MARCO: variants seen among roughly 807,000 people sequenced by gnomAD.
MARCO encodes the protein macrophage receptor MARCO.
Under a neutral mutation model 70.0 loss-of-function variants are expected in MARCO, and 72 were observed. The ratio of observed to expected loss-of-function variants is 1.03; its 90% CI spans 0.85 to 1.25. MARCO has a LOEUF of 1.25. Among genes scored for constraint, MARCO ranks in the 50% most tolerant of loss-of-function variants. The probability of loss-of-function intolerance (pLI) is 0.00; values close to 1 mark genes in which losing one functional copy is unlikely to be tolerated. For synonymous variants in MARCO, 273 were observed against 243.1 expected (o/e 1.12, Z -1.14); for missense variants, 696 against 659.3 (o/e 1.06, Z -0.61).
chr2:118,986,685 G>GA (rs1558671834), intron 12 of MARCO, among the ~76,000 whole-genome samples: 6 of 44,696 alleles, frequency 1.3e-4, no homozygotes, highest in African/African-American at 4.3e-4. Context: ...AAGAAAGAAA[G>GA]AAAGAAAGAA....
chr2:118,969,683 C>G (rs1680124905), intron 2 of MARCO, among the ~76,000 whole-genome samples: 1 of 152,190 alleles, frequency 6.6e-6, no homozygotes, highest in Admixed American at 6.5e-5. Context: ...GTTCCATGAG[C>G]AGACACTGAA....
intron 16 of MARCO, among the ~76,000 whole-genome samples, chr2:118,993,711 C>T (rs1447932575): frequency 6.6e-6 from 1 of 152,180 alleles, no homozygotes; most frequent in African/African-American, 2.4e-5. Flanking sequence ...CCTGGATTGA[C>T]CAGCAAGCAG....
chr2:118,973,023 GTC>G (rs1172581370), intron 4 of MARCO, among the ~76,000 whole-genome samples: 2 of 145,318 alleles, frequency 1.4e-5, no homozygotes, highest in Non-Finnish European at 1.5e-5. Flanking sequence ...CTCTCTCTCT[GTC>G]TCTCTGAATA....
At chr2:118,974,670 G>A (rs1472329186) in intron 6 of MARCO, 105 bp downstream of exon 6, 3 of 1,104,718 alleles carry the variant, frequency 2.7e-6, no homozygotes, top group Admixed American at 2.5e-5. Context: ...ACCTCTGAGG[G>A]GTCTGTAGGT....
At chr2:118,959,241 G>A (rs187180372) in intron 1 of MARCO, among the ~76,000 whole-genome samples, 6 of 152,048 alleles carry the variant, frequency 3.9e-5, no homozygotes, top group East Asian at 3.9e-4. Flanking sequence ...TCTATACATC[G>A]GACAAAGGAT....
chr2:118,950,620 T>A (rs978784970), intron 1 of MARCO, among the ~76,000 whole-genome samples: 1 of 152,236 alleles, frequency 6.6e-6, no homozygotes, highest in Non-Finnish European at 1.5e-5. Flanking sequence ...TTATACAACA[T>A]TTCTTGCATA....
At position 118,977,814 on chromosome 2, in the gene MARCO, C is replaced by T. The variant is rs1172695208; in HGVS notation, c.659-14C>T. 5.0e-6 allele frequency: 8 copies of T among 1,598,520 alleles called. No individual in the cohort carries two copies. The highest frequency in any genetic ancestry group is 6.8e-6 in the Non-Finnish European group (8 of 1,169,084). On this transcript the variant is annotated splice_polypyrimidine_tract_variant and intron_variant, in intron 7 of 16. Transcript: ENST00000327097. ...GATAGTGGGAGCCCATCTCACCAGC[C>T]ATTCTCTTTGCAGGCACCCCAGGAC...
At position 118,977,885 on chromosome 2, in the gene MARCO, CA is replaced by C; in HGVS notation, c.720del (p.Glu242LysfsTer22). 6.2e-7 allele frequency: 1 copy of C among 1,612,608 alleles called. No homozygotes were observed. The highest frequency in any genetic ancestry group is 1.1e-5 in the South Asian group (1 of 90,608). ...GSKGDGGLIG[P>X]KGETGTKGEK... ...AAAGGCGATGGGGGTCTCATTGGCCCAAAAGGGGAAACTGGAACTAAGGGAG... is the reference window on the plus strand; with the variant it reads ...AAAGGCGATGGGGGTCTCATTGGCCCAAAGGGGAAACTGGAACTAAGGGAG... On this transcript the variant is annotated frameshift_variant, in exon 8 of 17. Transcript: ENST00000327097. LOFTEE classifies it high-confidence loss of function.
rs376777191 is a variant in MARCO at position 118,982,249 on chromosome 2, G to A, written c.995G>A (p.Arg332Gln). 7.4e-6 allele frequency: 12 copies of A among 1,612,572 alleles called. No individual in the cohort carries two copies. Among genetic ancestry groups the A allele is most frequent in the African/African-American group, 5.3e-5 (4 of 74,872 alleles). The change falls in exon 11 of 17, where the codon CGA becomes CAA. Residue 332 changes from arginine to glutamine, a missense_variant. Around this residue, in one of 3 missense-constraint regions of MARCO, gnomAD observed 605 missense variants for 537.6 expected, o/e 1.13. Transcript: ENST00000327097. The stretch of plus-strand genomic sequence containing the variant: ...CCTGGCAGTGCTGGCTCCCCTGGGC[G>A]AGCAGGTGAGGTCCTGGGTCCTATG... ...GEPGSAGSPG[R>Q]AGLPGSPGSP...
At chr2:118,957,839 G>C (rs1012451265) in intron 1 of MARCO, among the ~76,000 whole-genome samples, 1 of 152,038 alleles carries the variant, frequency 6.6e-6, no homozygotes, top group African/African-American at 2.4e-5. Flanking sequence ...TGCAGGGATG[G>C]TTTAACATTC....
At chr2:118,954,880 T>C (rs886416123) in intron 1 of MARCO, among the ~76,000 whole-genome samples, 1 of 151,968 alleles carries the variant, frequency 6.6e-6, no homozygotes, top group Non-Finnish European at 1.5e-5. Flanking sequence ...GAATACTACA[T>C]CAAGGGAACA....
intron 16 of MARCO, 72 bp from the exon 17 acceptor site, chr2:118,994,315 G>C (rs552895038): frequency 1.3e-6 from 2 of 1,556,770 alleles, no homozygotes; most frequent in Non-Finnish European, 1.8e-6. Flanking sequence ...GCTCCCAGGC[G>C]CACACGTGGC....
chr2:118,969,788 C>T (rs556793169), intron 2 of MARCO, among the ~76,000 whole-genome samples: 2 of 151,880 alleles, frequency 1.3e-5, no homozygotes, highest in Non-Finnish European at 2.9e-5. Context: ...TTAGGTCAGA[C>T]CAGCATGTTA....
At chr2:118,960,136 T>TAAA (rs386391017) in intron 1 of MARCO, among the ~76,000 whole-genome samples, 6 of 149,422 alleles carry the variant, frequency 4.0e-5, no homozygotes, top group African/African-American at 1.5e-4. Flanking sequence ...ATAATAATAA[T>TAAA]AAATAAAAAT....
intron 12 of MARCO, among the ~76,000 whole-genome samples, chr2:118,983,077 G>T (rs1680425048): frequency 1.3e-5 from 2 of 152,242 alleles, no homozygotes; most frequent in South Asian, 4.1e-4. Flanking sequence ...GCAGGGTATT[G>T]CAGTGAACAG....
intron 1 of MARCO, among the ~76,000 whole-genome samples, chr2:118,951,968 T>G: frequency 6.6e-6 from 1 of 152,050 alleles, no homozygotes; most frequent in Admixed American, 6.6e-5. Flanking sequence ...CCTCTCCCAG[T>G]TTCTCTCTCC....
intron 13 of MARCO, among the ~76,000 whole-genome samples, chr2:118,991,320 C>A (rs770412719): frequency 3.3e-5 from 5 of 150,412 alleles, no homozygotes; most frequent in Non-Finnish European, 7.4e-5. Context: ...TGCAGTGGTG[C>A]CAGGACAGGA....
rs1680113994 is a variant in MARCO at position 118,969,218 on chromosome 2, C to T, written c.156C>T (p.Tyr52=). ...TCTCCCTAGCTGTGGTGGTCATCTA[C>T]CTGATCCTGCTCACCGCTGGCGCTG... ...VNFSLAVVVI[Y]LILLTAGAGL... is the part of the protein sequence containing the mutation. Residue 52 remains tyrosine (Y), a synonymous_variant, in exon 2 of 17, where the codon TAC becomes TAT. Coordinates refer to ENST00000327097, the MANE Select transcript of MARCO (RefSeq NM_006770.4). The T allele has an allele frequency of 6.2e-7, 1 of 1,614,226 alleles. No homozygotes were observed. Among genetic ancestry groups the T allele is most frequent in the Non-Finnish European group, 8.5e-7 (1 of 1,180,034 alleles).
intron 13 of MARCO, among the ~76,000 whole-genome samples, chr2:118,991,385 C>T (rs1680619301): frequency 6.6e-6 from 1 of 151,978 alleles, no homozygotes; most frequent in African/African-American, 2.4e-5. Flanking sequence ...ACCTTCGTCT[C>T]CCAAAGCTTG....
Sources: gnomAD v4.1 joint callset for allele counts (sites outside exome capture counted in the v4.1 genomes callset) on GRCh38, gnomAD v4.1.1 for gene constraint, gnomAD v4.1.1 regional missense constraint, MANE v1.5 for transcripts, NCBI Gene and HGNC (gene_info 2026-07-23, HGNC 2026-07-21) for gene names.